Variants in DMXL1 observed in about 807,000 individuals in gnomAD.
The protein encoded by DMXL1 is dmX-like protein 1.
In DMXL1, 99 loss-of-function variants were observed where a neutral mutation model predicts 319.2. That is an observed-to-expected ratio of 0.31 (90% CI 0.26 to 0.37). The LOEUF (loss-of-function observed/expected upper bound fraction) is 0.37. DMXL1 is among the 10% of genes least tolerant of loss of function. The pLI, the probability that DMXL1 is intolerant of heterozygous loss-of-function variation, is 1.00. For missense variants in DMXL1, 3,745 were observed against 3,595.6 expected, an observed-to-expected ratio of 1.04 and a Z score of -1.06; for synonymous variants, 1,385 against 1,235.2, an observed-to-expected ratio of 1.12 and a Z score of -2.54.
chr5:119,240,402 T>C lies in DMXL1; in HGVS notation c.8652-17T>C. 1.2e-5 allele frequency: 5 copies of C among 426,634 alleles called. No individual in the cohort carries two copies. The highest frequency in any genetic ancestry group is 1.0e-5 in the Non-Finnish European group (3 of 295,130). The allele number at this position is 426,634 out of a possible 1,614,324, so 26.4% of individuals were successfully genotyped here. A position where few individuals can be genotyped will look rare whatever the true frequency, so the allele number is the denominator to read the frequency against. The stretch of plus-strand genomic sequence containing the variant: ...GCTTTTGTGTCACTCAGAAGTAATC[T>C]TTTTTTTTTTTTCCAGAAACGTATG... On this transcript the variant is annotated splice_polypyrimidine_tract_variant and intron_variant, in intron 41 of 43. Coordinates refer to ENST00000539542, the MANE Select transcript of DMXL1 (RefSeq NM_001290321.3).
chr5:119,124,417 A>C (rs182460887), intron 9 of DMXL1, among the ~76,000 whole-genome samples: 8 of 152,102 alleles, frequency 5.3e-5, no homozygotes, highest in African/African-American at 1.7e-4. Context: ...GGGAACCTCA[A>C]CTTCAGTCTT....
At chr5:119,194,373 A>G (rs906175720) in intron 30 of DMXL1, among the ~76,000 whole-genome samples, 2 of 152,216 alleles carry the variant, frequency 1.3e-5, no homozygotes, top group African/African-American at 4.8e-5. Context: ...CTAGTACTAT[A>G]AGATGTCAAT....
chr5:119,108,275 T>C (rs1200680328), intron 4 of DMXL1, among the ~76,000 whole-genome samples: 1 of 152,216 alleles, frequency 6.6e-6, no homozygotes, highest in Admixed American at 6.5e-5. Context: ...ATGCCATCTT[T>C]ATTGTCAGCT....
chr5:119,147,762 T>C (rs1010931148), intron 17 of DMXL1, among the ~76,000 whole-genome samples: 18 of 152,214 alleles, frequency 1.2e-4, no homozygotes, highest in African/African-American at 4.3e-4. Context: ...AGTTGTACTT[T>C]ATTTGCAGAC....
intron 34 of DMXL1, among the ~76,000 whole-genome samples, chr5:119,210,681 TA>T (rs2150512098): frequency 6.6e-6 from 1 of 151,660 alleles, no homozygotes; most frequent in South Asian, 2.1e-4. Context: ...TATAACCTTA[TA>T]ATAAATCATG....
chr5:119,170,130 C>T (rs138844315), intron 23 of DMXL1, 60 bp from the exon 24 acceptor site: 1 of 1,498,334 alleles, frequency 6.7e-7, no homozygotes, highest in East Asian at 2.3e-5. Context: ...AGAAAAGACA[C>T]TACAATAGAA....
intron 36 of DMXL1, 59 bp downstream of exon 36, chr5:119,220,652 G>T: frequency 1.3e-6 from 2 of 1,575,464 alleles, no homozygotes; most frequent in South Asian, 1.2e-5. Context: ...TATATTTACT[G>T]AACTAAAACT....
intron 3 of DMXL1, among the ~76,000 whole-genome samples, chr5:119,103,939 T>A (rs1398026409): frequency 2.0e-5 from 3 of 152,160 alleles, no homozygotes; most frequent in Admixed American, 1.3e-4. Context: ...AGAGGCTGGT[T>A]TATTGGCTTA....
intron 5 of DMXL1, 47 bp from the exon 6 acceptor site, chr5:119,114,427 TC>T (rs1760366695): frequency 1.5e-6 from 2 of 1,364,720 alleles, no homozygotes; most frequent in Non-Finnish European, 2.1e-6. Flanking sequence ...TTGAACTTTT[TC>T]TTTTTAGTTT....
In DMXL1 at chr5:119,177,341, TG is replaced by T; in HGVS notation, c.6759-15del. The T allele has an allele frequency of 6.9e-7, 1 of 1,451,312 alleles. No homozygotes were observed. The highest frequency in any genetic ancestry group is 1.4e-5 in the South Asian group (1 of 71,062). 89.9% of individuals were successfully genotyped at this position (1,451,312 alleles called of 1,614,324 possible). A position where few individuals can be genotyped will look rare whatever the true frequency, so the allele number is the denominator to read the frequency against. On this transcript the variant is annotated splice_polypyrimidine_tract_variant and intron_variant, in intron 26 of 43. Transcript: ENST00000539542. ...TAAAATTTATCATAGATTTAAATATTGTTTTTTTCTCTTAGTTCATTTCAGA... is the reference window on the plus strand; with the variant it reads ...TAAAATTTATCATAGATTTAAATATTTTTTTTTCTCTTAGTTCATTTCAGA...
chr5:119,172,170 T>C (rs1051499953), intron 25 of DMXL1, among the ~76,000 whole-genome samples: 2 of 152,198 alleles, frequency 1.3e-5, no homozygotes, highest in African/African-American at 2.4e-5. Context: ...TTACACCCGG[T>C]AGAGTTCTTG....
intron 13 of DMXL1, among the ~76,000 whole-genome samples, chr5:119,135,940 G>A (rs1168183743): frequency 2.6e-5 from 4 of 152,218 alleles, no homozygotes; most frequent in Non-Finnish European, 5.9e-5. Flanking sequence ...TGGAAGCGGT[G>A]TTGGAACTGG....
chr5:119,189,627 A>C lies in DMXL1; in HGVS notation c.7136-81A>C. The stretch of plus-strand genomic sequence containing the variant: ...TTTTGTGTGTGCTTATTTGTAGTTA[A>C]CCTTAGCTCTTATGTAAACACAGGT... On this transcript the variant is annotated intron_variant, in intron 28 of 43. Coordinates refer to ENST00000539542, the MANE Select transcript of DMXL1 (RefSeq NM_001290321.3). The C allele has an allele frequency of 2.3e-6, 3 of 1,305,314 alleles. No homozygotes were observed. In the South Asian group the frequency reaches 4.0e-5, roughly 17 times the overall value. The allele number at this position is 1,305,314 out of a possible 1,614,324, so 80.9% of individuals were successfully genotyped here. A position where few individuals can be genotyped will look rare whatever the true frequency, so the allele number is the denominator to read the frequency against.
chr5:119,181,359 T>G (rs1561814352), intron 28 of DMXL1, among the ~76,000 whole-genome samples: 1 of 152,172 alleles, frequency 6.6e-6, no homozygotes, highest in African/African-American at 2.4e-5. Flanking sequence ...TCATCTGTCC[T>G]TGAGTACCCA....
intron 27 of DMXL1, 118 bp downstream of exon 27, chr5:119,177,602 C>G: frequency 1.2e-6 from 1 of 803,234 alleles, no homozygotes; most frequent in Non-Finnish European, 1.9e-6. Context: ...AGAATTGATA[C>G]CAGTTAAGTA....
At chr5:119,212,424 T>A (rs893378826) in intron 34 of DMXL1, among the ~76,000 whole-genome samples, 1 of 152,258 alleles carries the variant, frequency 6.6e-6, no homozygotes, top group African/African-American at 2.4e-5. Context: ...TTCTAATGTA[T>A]GTTCATACAT....
intron 6 of DMXL1, among the ~76,000 whole-genome samples, chr5:119,115,206 G>C (rs1760573620): frequency 6.6e-6 from 1 of 152,144 alleles, no homozygotes; most frequent in Admixed American, 6.5e-5. Flanking sequence ...AATATATGCA[G>C]TATAGAGTGA....
chr5:119,242,047 T>C (rs971201718), intron 42 of DMXL1, among the ~76,000 whole-genome samples: 2 of 152,238 alleles, frequency 1.3e-5, no homozygotes, highest in Non-Finnish European at 1.5e-5. Context: ...TTTCAATAAA[T>C]TTAACTTTTT....
chr5:119,164,824 G>C (rs1247649570), intron 20 of DMXL1, 148 bp downstream of exon 20: 2 of 649,420 alleles, frequency 3.1e-6, no homozygotes, highest in African/African-American at 1.9e-5. Context: ...TTTATAACGT[G>C]TTTCAAAATA....
Sources: gnomAD v4.1 joint callset for allele counts (sites outside exome capture counted in the v4.1 genomes callset) on GRCh38, gnomAD v4.1.1 for gene constraint, MANE v1.5 for transcripts, NCBI Gene and HGNC (gene_info 2026-07-23, HGNC 2026-07-21) for gene names.